Variants in PDK3 observed in about 807,000 individuals in gnomAD.
PDK3 encodes pyruvate dehydrogenase kinase 3.
Under a neutral mutation model 32.0 loss-of-function variants are expected in PDK3, and 12 were observed. The ratio of observed to expected loss-of-function variants is 0.37; its 90% CI spans 0.24 to 0.61. PDK3 has a LOEUF of 0.61. Among genes scored for constraint, PDK3 ranks in the 20% least tolerant of loss-of-function variants. The pLI is 0.65. For synonymous variants in PDK3, 122 were observed against 116.3 expected, an observed-to-expected ratio of 1.05 and a Z score of -0.31; for missense variants, 188 against 316.9, an observed-to-expected ratio of 0.59 and a Z score of 3.09.
chrX:24,511,303 C>G (rs1051125750), intron 5 of PDK3, among the ~76,000 whole-genome samples: 1 of 112,663 alleles, frequency 8.9e-6, no homozygotes, highest in African/African-American at 3.2e-5. Flanking sequence ...TTCCACTATC[C>G]TCTGAGATTT....
chrX:24,469,318 A>G (rs1433619211), intron 1 of PDK3, among the ~76,000 whole-genome samples: 1 of 111,387 alleles, frequency 9.0e-6, no homozygotes, highest in African/African-American at 3.3e-5. Context: ...ATTGCTTTCC[A>G]TAAAGGTTGT....
intron 5 of PDK3, among the ~76,000 whole-genome samples, chrX:24,515,759 A>G (rs1029909674): frequency 1.8e-5 from 2 of 112,312 alleles, no homozygotes. Flanking sequence ...ATTATAGCCT[A>G]GGAAAACACT....
chrX:24,503,439 A>G lies in PDK3; in HGVS notation c.433A>G (p.Thr145Ala). 2 of 1,205,640 alleles carry G rather than the reference A, an allele frequency of 1.7e-6. No individual in the cohort carries two copies. The highest frequency in any genetic ancestry group is 3.5e-5 in the African/African-American group (2 of 57,722). ...GTTTGGGTTTGATCCTTTCATTAGCACTAACATCCAATATTTTCTGGATCG... is the reference window on the plus strand; with the variant it reads ...GTTTGGGTTTGATCCTTTCATTAGCGCTAACATCCAATATTTTCTGGATCG... ...EKFGFDPFIS[T>A]NIQYFLDRFY... The change falls in exon 4 of 11, where the codon ACT becomes GCT. Residue 145 changes from threonine to alanine, a missense_variant. By Grantham distance (58) the Thr-to-Ala change is moderately conservative. Transcript: ENST00000379162.
chrX:24,497,866 A>G (rs1602111788), intron 2 of PDK3, among the ~76,000 whole-genome samples: 1 of 112,252 alleles, frequency 8.9e-6, no homozygotes, highest in Non-Finnish European at 1.9e-5. Context: ...TAATTGGAAT[A>G]TCTGAATCCC....
At chrX:24,479,797 CA>C (rs780002227) in intron 1 of PDK3, among the ~76,000 whole-genome samples, 121 of 102,548 alleles carry the variant, frequency 1.2e-3, no homozygotes, top group Middle Eastern at 9.7e-3. Context: ...AAAAAACAAA[CA>C]AAAAAAAAAG....
intron 1 of PDK3, among the ~76,000 whole-genome samples, chrX:24,482,266 G>A (rs965541017): frequency 1.8e-5 from 2 of 111,582 alleles, no homozygotes; most frequent in Non-Finnish European, 3.8e-5. Flanking sequence ...GCTGGAGTGC[G>A]TGGTGTGATC....
At chrX:24,481,104 C>T (rs769122168) in intron 1 of PDK3, among the ~76,000 whole-genome samples, 35 of 105,616 alleles carry the variant, frequency 3.3e-4, no homozygotes, top group East Asian at 1.5e-3. Flanking sequence ...AGTGGAGTGG[C>T]GCGATCTTGG....
At chrX:24,548,680 A>G (rs941071793) in exon 12 of PDK3, 1 of 112,325 alleles carries the variant, frequency 8.9e-6, no homozygotes, top group African/African-American at 3.2e-5. Context: ...CATATTAATA[A>G]CAGAACCACT....
exon 12 of PDK3, among the ~76,000 whole-genome samples, chrX:24,544,866 C>G (rs894856540): frequency 4.5e-5 from 5 of 112,044 alleles, no homozygotes; most frequent in Non-Finnish European, 9.4e-5. Context: ...GACTTTGAAG[C>G]TAATGTCCTT....
At chrX:24,520,914 G>A (rs1040639955) in intron 6 of PDK3, among the ~76,000 whole-genome samples, 92 of 110,870 alleles carry the variant, frequency 8.3e-4, no homozygotes, top group African/African-American at 2.6e-3. Flanking sequence ...ATTTGTGAAC[G>A]TATGGAAGTA....
At chrX:24,515,402 C>T (rs1157252730) in intron 5 of PDK3, among the ~76,000 whole-genome samples, 3 of 112,300 alleles carry the variant, frequency 2.7e-5, no homozygotes, top group Non-Finnish European at 3.7e-5. Context: ...TTCTTAACAA[C>T]GCTGTCATAA....
At chrX:24,543,435 ATTTATTTTAT>A (rs760124624) in exon 12 of PDK3, among the ~76,000 whole-genome samples, 4 of 109,923 alleles carry the variant, frequency 3.6e-5, no homozygotes, top group East Asian at 2.8e-4. Context: ...TTACAGTTTT[ATTTATTTTAT>A]TTTATTTTAT....
At chrX:24,501,458 A>G (rs1050553493) in intron 3 of PDK3, among the ~76,000 whole-genome samples, 11 of 113,008 alleles carry the variant, frequency 9.7e-5, no homozygotes, top group African/African-American at 3.2e-4. Flanking sequence ...CGACGCCTGT[A>G]ATCCCAGCAC....
intron 1 of PDK3, among the ~76,000 whole-genome samples, chrX:24,481,741 C>A (rs1238977520): frequency 8.9e-6 from 1 of 112,104 alleles, no homozygotes; most frequent in Non-Finnish European, 1.9e-5. Flanking sequence ...GCTTCCCCTT[C>A]GCCTCTGCCA....
exon 12 of PDK3, chrX:24,547,439 A>C (rs561844032): frequency 2.7e-5 from 3 of 112,088 alleles, no homozygotes; most frequent in African/African-American, 9.7e-5. Context: ...ATTATGTAGA[A>C]ATTTTATTAA....
intron 1 of PDK3, among the ~76,000 whole-genome samples, chrX:24,492,240 T>A (rs1305820418): frequency 8.9e-6 from 1 of 111,925 alleles, no homozygotes; most frequent in Non-Finnish European, 1.9e-5. Context: ...GCTCCTTGAC[T>A]TACAGTGGGG....
At chrX:24,502,736 C>T (rs939885118) in intron 3 of PDK3, among the ~76,000 whole-genome samples, 1 of 110,753 alleles carries the variant, frequency 9.0e-6, no homozygotes, top group Admixed American at 9.7e-5. Flanking sequence ...CTCAGCTACT[C>T]GGGAGGCTGA....
chrX:24,480,827 A>C (rs1051968877), intron 1 of PDK3, among the ~76,000 whole-genome samples: 1 of 111,488 alleles, frequency 9.0e-6, no homozygotes, highest in African/African-American at 3.3e-5. Context: ...CAAATACATA[A>C]ATTTACGTAT....
intron 5 of PDK3, among the ~76,000 whole-genome samples, chrX:24,506,325 G>C (rs753442795): frequency 8.9e-6 from 1 of 111,951 alleles, no homozygotes; most frequent in Non-Finnish European, 1.9e-5. Context: ...TGGTTGATCA[G>C]AACCTCCAAA....
Sources: allele counts gnomAD v4.1 joint callset (sites outside exome capture counted in the v4.1 genomes callset), GRCh38; gene constraint gnomAD v4.1.1; transcripts MANE v1.5; gene names NCBI Gene and HGNC (gene_info 2026-07-23, HGNC 2026-07-21).